The following ZNF420 variants were observed in gnomAD, a reference collection of about 807,000 sequenced individuals.
ZNF420 encodes the protein ATM and p53-associated KZNF protein.
A neutral mutation model predicts 44.7 loss-of-function variants in ZNF420; 31 were observed. That is an observed-to-expected ratio of 0.69 (90% confidence interval 0.52 to 0.94). ZNF420 has a LOEUF of 0.94. Among genes scored for constraint, ZNF420 ranks in the 40% least tolerant of loss-of-function variants. The pLI is 0.00. For missense variants in ZNF420, 681 were observed against 827.9 expected (o/e 0.82, Z 2.18); for synonymous variants, 245 against 267.4 (o/e 0.92, Z 0.82).
At chr19:37,032,535 G>A (rs745879003) in intron 1 of ZNF420, among the ~76,000 whole-genome samples, 91 of 150,404 alleles carry the variant, frequency 6.1e-4, no homozygotes, top group Non-Finnish European at 1.1e-3. Context: ...GCTGGGTGCC[G>A]TGGCTAACGC....
Position 37,128,769 on chromosome 19 carries a change from G to A in ZNF420, c.1778G>A (p.Gly593Asp). 6.2e-7 allele frequency: 1 copy of A among 1,613,686 alleles called. No homozygotes were observed. The highest frequency in any genetic ancestry group is 8.5e-7 in the Non-Finnish European group (1 of 1,179,912). The stretch of plus-strand genomic sequence containing the variant: ...AAACCCTATGAATGCAAGGAGTGTG[G>A]CAAGGCCTTTAGTCATGGCTCTCAG... The part of the protein sequence containing the change: ...GEKPYECKEC[G>D]KAFSHGSQLT... Residue 593 changes from glycine (G) to aspartate (D), a missense_variant, in exon 5 of 5, where the codon GGC (glycine) becomes GAC (aspartate). Coordinates refer to ENST00000337995, the MANE Select transcript of ZNF420 (RefSeq NM_144689.5).
intron 4 of ZNF420, among the ~76,000 whole-genome samples, chr19:37,112,607 T>C (rs1368433478): frequency 6.6e-6 from 1 of 152,216 alleles, no homozygotes; most frequent in Non-Finnish European, 1.5e-5. Flanking sequence ...AGGTCTGCTC[T>C]CTGAGACCTG....
At position 37,050,576 on chromosome 19, in the gene ZNF420, C is replaced by G. The variant is rs563929349; in HGVS notation, c.-124-29769C>G. Among the ~76,000 whole-genome samples, 3 of 152,238 alleles carry G rather than the reference C, an allele frequency of 2.0e-5. No individual in the cohort carries two copies. The East Asian group carries it at 5.8e-4, about 29-fold the overall frequency. ...TGCACATTGATTTTTTATCCTGAGA[C>G]TTTGCTGTAGTTGCTTATCAGCTTA... On this transcript the variant is annotated intron_variant, in intron 1 of 4. Transcript: ENST00000587029.
At chr19:37,031,198 A>G (rs1470331157) in intron 1 of ZNF420, among the ~76,000 whole-genome samples, 1 of 152,210 alleles carries the variant, frequency 6.6e-6, no homozygotes, top group African/African-American at 2.4e-5. Flanking sequence ...ACCTGAGGAA[A>G]AACATGACTT....
At chr19:37,107,377 C>T (rs952933201) in intron 4 of ZNF420, 5 of 152,300 alleles carry the variant, frequency 3.3e-5, no homozygotes, top group African/African-American at 1.2e-4. Flanking sequence ...ATACTGCCTT[C>T]AAGCACTTTT....
rs145329752 is a variant in ZNF420, at chr19:37,128,803, A to G, written c.1812A>G (p.Leu604=). The G allele has an allele frequency of 6.8e-6, 11 of 1,613,826 alleles. No homozygotes were observed. The highest frequency in any genetic ancestry group is 2.2e-5 in the East Asian group (1 of 44,880). The stretch of plus-strand genomic sequence containing the variant: ...TTAGTCATGGCTCTCAGCTTACTCT[A>G]CATCAGAGAATCCATACTGGTGAGA... The part of the protein sequence containing the change: ...KAFSHGSQLT[L]HQRIHTGEKP... The change falls in exon 5 of 5, where the codon CTA becomes CTG. Residue 604 remains leucine, a synonymous_variant. Coordinates refer to ENST00000337995, the MANE Select transcript of ZNF420 (RefSeq NM_144689.5).
At chr19:37,090,928 A>C in intron 3 of ZNF420, 67 bp from the exon 4 acceptor site, 1 of 1,540,910 alleles carries the variant, frequency 6.5e-7, no homozygotes, top group South Asian at 1.2e-5. Context: ...TCAAAAAAAA[A>C]AAAAGAAAGA....
At chr19:37,053,331 T>C (rs1568430882) in intron 1 of ZNF420, among the ~76,000 whole-genome samples, 1 of 152,222 alleles carries the variant, frequency 6.6e-6, no homozygotes, top group Non-Finnish European at 1.5e-5. Flanking sequence ...TCAGAGTAGT[T>C]TGATCATCTG....
At chr19:37,022,852 A>G (rs1373928257) in intron 1 of ZNF420, among the ~76,000 whole-genome samples, 3 of 152,148 alleles carry the variant, frequency 2.0e-5, no homozygotes, top group Non-Finnish European at 4.4e-5. Context: ...GATATGTAGC[A>G]TGGGGGCAGG....
chr19:37,013,909 G>A (rs2074590666), intron 1 of ZNF420, among the ~76,000 whole-genome samples: 1 of 152,236 alleles, frequency 6.6e-6, no homozygotes, highest in East Asian at 1.9e-4. Flanking sequence ...ATGAGCAGAT[G>A]TAGTGAGCGT....
Position 37,130,189 on chromosome 19 carries a change from GTGTTAT to G in ZNF420, c.*1132_*1137del, listed in dbSNP as rs1490883303. 6.5e-7 allele frequency: 1 copy of G among 1,550,224 alleles called. No homozygotes were observed. The highest frequency in any genetic ancestry group is 2.4e-5 in the East Asian group (1 of 40,910). On this transcript the variant is annotated 3_prime_UTR_variant, in exon 5 of 5. Coordinates refer to ENST00000337995, the MANE Select transcript of ZNF420 (RefSeq NM_144689.5). ...TGGGGACTTTGAGAATGGTATCTGG[GTGTTAT>G]GGATCATGGAGCAGAAATACAGAAG...
chr19:37,037,836 G>A (rs1301772957), intron 1 of ZNF420, among the ~76,000 whole-genome samples: 4 of 152,146 alleles, frequency 2.6e-5, no homozygotes, highest in African/African-American at 4.8e-5. Flanking sequence ...AAAAAATGTC[G>A]TGTGACTAGC....
intron 4 of ZNF420, among the ~76,000 whole-genome samples, chr19:37,116,432 C>T (rs1036389076): frequency 3.3e-5 from 5 of 151,544 alleles, no homozygotes; most frequent in Admixed American, 2.6e-4. Context: ...TTGACATAAC[C>T]GATCATTCCT....
chr19:37,024,941 A>G, intron 1 of ZNF420: 1 of 185,584 alleles, frequency 5.4e-6, no homozygotes, highest in Non-Finnish European at 1.2e-5. Flanking sequence ...CAAACACACT[A>G]AAGGCCTTCC....
At chr19:37,091,349 G>T in intron 4 of ZNF420, 1 of 305,424 alleles carries the variant, frequency 3.3e-6, no homozygotes, top group South Asian at 8.6e-5. Context: ...GATGAACAAA[G>T]GGCTAGATTT....
intron 1 of ZNF420, among the ~76,000 whole-genome samples, chr19:37,066,210 C>T (rs1159349650): frequency 1.3e-5 from 2 of 152,214 alleles, no homozygotes; most frequent in Middle Eastern, 3.4e-3. Flanking sequence ...TGGGAGGCTG[C>T]GGCGGGTGGA....
chr19:37,128,202 C>T lies in ZNF420; in HGVS notation c.1211C>T (p.Ser404Leu). Residue 404 changes from serine to leucine, a missense_variant, in exon 5 of 5, where the codon TCA (serine) becomes TTA (leucine). Physicochemically the swap from Ser to Leu is moderately radical, Grantham distance 145. Transcript: ENST00000337995. Reference sequence around the variant, plus strand: ...TGTGGAAAGATGTTTAGTCATGGCTCACAACTTACTCAACATCAGAGAATA... The same window carrying T: ...TGTGGAAAGATGTTTAGTCATGGCTTACAACTTACTCAACATCAGAGAATA... ...KECGKMFSHG[S>L]QLTQHQRIHT... is the part of the protein sequence containing the mutation. 6.2e-7 allele frequency: 1 copy of T among 1,614,102 alleles called. No homozygotes were observed. The highest frequency in any genetic ancestry group is 1.1e-5 in the South Asian group (1 of 91,082).
chr19:37,108,485 A>G (rs1970216195), intron 4 of ZNF420: 1 of 152,238 alleles, frequency 6.6e-6, no homozygotes, highest in South Asian at 2.1e-4. Flanking sequence ...TCCTACAACT[A>G]GCATATAAGG....
chr19:37,041,327 A>G (rs1967449178), intron 1 of ZNF420, among the ~76,000 whole-genome samples: 1 of 151,282 alleles, frequency 6.6e-6, no homozygotes, highest in Non-Finnish European at 1.5e-5. Context: ...AAAAAAAAAA[A>G]TCCCAACAAC....
Sources: allele counts gnomAD v4.1 joint callset (sites outside exome capture counted in the v4.1 genomes callset), GRCh38; gene constraint gnomAD v4.1.1; transcripts MANE v1.5; gene names NCBI Gene and HGNC (gene_info 2026-07-23, HGNC 2026-07-21).